ST7: variants seen among roughly 807,000 people sequenced by gnomAD.
ST7 encodes the protein suppression of tumorigenicity 7.
Under a neutral mutation model 78.7 loss-of-function variants are expected in ST7, and 28 were observed. The ratio of observed to expected loss-of-function variants is 0.36; its 90% CI spans 0.26 to 0.49. The LOEUF is 0.49. Among genes scored for constraint, ST7 ranks in the 20% least tolerant of loss-of-function variants. The pLI is 0.99. For missense variants in ST7, 418 were observed against 696.0 expected (o/e 0.60, Z 4.49); for synonymous variants, 247 against 249.6 (o/e 0.99, Z 0.10).
chr7:117,074,288 G>C (rs1025838494), intron 1 of ST7, among the ~76,000 whole-genome samples: 5 of 152,182 alleles, frequency 3.3e-5, no homozygotes, highest in African/African-American at 1.2e-4. Flanking sequence ...CTACTTTGGA[G>C]GTTGAGGCAG....
intron 1 of ST7, chr7:116,956,542 C>A (rs1792503221): frequency 2.1e-6 from 1 of 471,192 alleles, no homozygotes; most frequent in Non-Finnish European, 4.4e-6. Flanking sequence ...CTCAAGGAAG[C>A]CAAAGACACC....
intron 1 of ST7, among the ~76,000 whole-genome samples, chr7:117,013,512 A>C (rs10275342): frequency 0.027 from 4,036 of 152,286 alleles, 178 homozygotes; most frequent in African/African-American, 0.09. Flanking sequence ...GTGAAATGGT[A>C]CTTTCTTATT....
chr7:117,039,575 A>G (rs1167798075), intron 1 of ST7, among the ~76,000 whole-genome samples: 1 of 151,454 alleles, frequency 6.6e-6, no homozygotes, highest in Non-Finnish European at 1.5e-5. Context: ...CCCTGTCTGT[A>G]AAAGCAAAAA....
chr7:116,967,658 A>G (rs1793194840), intron 1 of ST7, among the ~76,000 whole-genome samples: 2 of 152,258 alleles, frequency 1.3e-5, no homozygotes, highest in African/African-American at 4.8e-5. Flanking sequence ...ATAACTGAGC[A>G]TGATAATGAT....
intron 10 of ST7, among the ~76,000 whole-genome samples, chr7:117,175,660 G>A (rs541819886): frequency 2.6e-5 from 4 of 152,274 alleles, no homozygotes; most frequent in Non-Finnish European, 4.4e-5. Flanking sequence ...AAATGAGATC[G>A]AGACTTAGAA....
chr7:117,078,847 G>C (rs1799547106), intron 1 of ST7, among the ~76,000 whole-genome samples: 1 of 152,150 alleles, frequency 6.6e-6, no homozygotes, highest in South Asian at 2.1e-4. Flanking sequence ...ATTAAGTCAT[G>C]ACACCAGCCC....
At chr7:117,074,330 G>T (rs1799191156) in intron 1 of ST7, among the ~76,000 whole-genome samples, 1 of 152,180 alleles carries the variant, frequency 6.6e-6, no homozygotes, top group Admixed American at 6.5e-5. Context: ...GGCGGAGGTT[G>T]CAGTAAGCTG....
At chr7:117,029,953 G>A (rs942661342) in intron 1 of ST7, among the ~76,000 whole-genome samples, 1 of 152,050 alleles carries the variant, frequency 6.6e-6, no homozygotes, top group Non-Finnish European at 1.5e-5. Context: ...TTATGATCAG[G>A]TAGTGTAAGC....
intron 1 of ST7, among the ~76,000 whole-genome samples, chr7:116,966,555 A>G (rs1163011321): frequency 1.3e-5 from 2 of 152,134 alleles, no homozygotes; most frequent in African/African-American, 2.4e-5. Flanking sequence ...CCAGCCGATA[A>G]TATATGTTGC....
intron 1 of ST7, among the ~76,000 whole-genome samples, chr7:116,969,480 C>T (rs1032483400): frequency 6.6e-6 from 1 of 152,198 alleles, no homozygotes; most frequent in Non-Finnish European, 1.5e-5. Context: ...ATAATACCAA[C>T]TTATCACTGT....
chr7:116,983,733 C>T (rs1385975689), intron 1 of ST7, among the ~76,000 whole-genome samples: 1 of 152,160 alleles, frequency 6.6e-6, no homozygotes, highest in South Asian at 2.1e-4. Flanking sequence ...GCATAGATAC[C>T]TACCTCGCTT....
chr7:117,062,347 G>A (rs890294628), intron 1 of ST7, among the ~76,000 whole-genome samples: 3 of 152,152 alleles, frequency 2.0e-5, no homozygotes, highest in Admixed American at 6.5e-5. Flanking sequence ...TTGCCAGCAG[G>A]TACCCTATCT....
chr7:117,032,303 G>A (rs944996782), intron 1 of ST7, among the ~76,000 whole-genome samples: 5 of 151,820 alleles, frequency 3.3e-5, no homozygotes, highest in East Asian at 3.9e-4. Flanking sequence ...CTTGTTTGTC[G>A]TATCTTAGGA....
chr7:116,973,100 A>G (rs1330092344), intron 1 of ST7, among the ~76,000 whole-genome samples: 1 of 151,326 alleles, frequency 6.6e-6, no homozygotes, highest in African/African-American at 2.4e-5. Flanking sequence ...ACATTTTTCC[A>G]GTTTTGGTCC....
intron 12 of ST7, among the ~76,000 whole-genome samples, chr7:117,192,532 T>C (rs1453516096): frequency 1.3e-5 from 2 of 152,210 alleles, no homozygotes; most frequent in African/African-American, 4.8e-5. Context: ...TGAGCACCAT[T>C]TATTTGTAAA....
At chr7:117,017,063 C>T (rs1795650982) in intron 1 of ST7, among the ~76,000 whole-genome samples, 1 of 152,134 alleles carries the variant, frequency 6.6e-6, no homozygotes, top group Non-Finnish European at 1.5e-5. Flanking sequence ...AAACACTCTT[C>T]CTTCCACGTG....
intron 9 of ST7, among the ~76,000 whole-genome samples, chr7:117,151,784 C>T (rs971707903): frequency 3.3e-5 from 5 of 151,982 alleles, no homozygotes; most frequent in African/African-American, 1.2e-4. Flanking sequence ...CTTTCCACCC[C>T]AAATCCTCGT....
intron 1 of ST7, chr7:116,959,146 A>G (rs1283703611): frequency 2.2e-6 from 1 of 463,416 alleles, no homozygotes; most frequent in Non-Finnish European, 4.4e-6. Flanking sequence ...CTTTGTTGTC[A>G]TTTCAGCAAT....
intron 1 of ST7, among the ~76,000 whole-genome samples, chr7:116,987,849 G>T (rs184902331): frequency 3.2e-4 from 49 of 152,214 alleles, no homozygotes; most frequent in Middle Eastern, 3.4e-3. Context: ...TCAGCCTCCC[G>T]AGTAGCTGGG....
Sources: gnomAD v4.1 joint callset for allele counts (sites outside exome capture counted in the v4.1 genomes callset) on GRCh38, gnomAD v4.1.1 for gene constraint, MANE v1.5 for transcripts, NCBI Gene and HGNC (gene_info 2026-07-23, HGNC 2026-07-21) for gene names.